Variants in SUFU observed in about 807,000 individuals in gnomAD.
SUFU encodes suppressor of fused homolog.
A neutral mutation model predicts 58.9 loss-of-function variants in SUFU; 7 were observed. That is an observed-to-expected ratio of 0.12 (90% CI 0.07 to 0.22). The LOEUF (loss-of-function observed/expected upper bound fraction) is 0.22. Ranked by LOEUF, SUFU falls within the 10% of genes least tolerant of loss-of-function variation. SUFU has a pLI of 1.00. For missense variants in SUFU, 451 were observed against 641.3 expected (o/e 0.70, Z 3.20); for synonymous variants, 232 against 254.8 (o/e 0.91, Z 0.85).
At chr10:102,567,544 C>A (rs2135789974) in intron 3 of SUFU, among the ~76,000 whole-genome samples, 1 of 152,232 alleles carries the variant, frequency 6.6e-6, no homozygotes, top group East Asian at 1.9e-4. Flanking sequence ...AACAGAATGG[C>A]CCTCCCTCGA....
At chr10:102,552,840 C>T (rs548700692) in intron 3 of SUFU, among the ~76,000 whole-genome samples, 1 of 152,138 alleles carries the variant, frequency 6.6e-6, no homozygotes, top group Non-Finnish European at 1.5e-5. Context: ...GCAAATGAGG[C>T]GAAATGTTAA....
chr10:102,519,453 C>T (rs1298213358), intron 2 of SUFU, among the ~76,000 whole-genome samples: 4 of 148,966 alleles, frequency 2.7e-5, no homozygotes, highest in South Asian at 2.1e-4. Context: ...CTTGAACCCA[C>T]GAGGCAGAGG....
In SUFU at chr10:102,542,892, T is replaced by C. The variant is rs139787013; in HGVS notation, c.318-7078T>C. On this transcript the variant is annotated intron_variant, in intron 2 of 11. Coordinates refer to ENST00000369902, the MANE Select transcript of SUFU (RefSeq NM_016169.4). ...TACCGGCTTTGGCCTCCCAAAGTGC[T>C]GGAATTACAGGCATGAACCACCGTG... Among the ~76,000 whole-genome samples the C allele has an allele frequency of 9.7e-4, 148 of 152,358 alleles. 1 individual carries two copies. The highest frequency in any genetic ancestry group is 3.4e-3 in the Middle Eastern group (1 of 294).
chr10:102,520,212 C>CTTTTTTTTTTTTTTTTTTTTTTT, intron 2 of SUFU, among the ~76,000 whole-genome samples: 1 of 113,554 alleles, frequency 8.8e-6, no homozygotes, highest in Admixed American at 9.1e-5. Context: ...TTTTTTCTTT[C>CTTTTTTTTTTTTTTTTTTTTTTT]TTTTTTTTTT....
intron 10 of SUFU, among the ~76,000 whole-genome samples, chr10:102,622,946 G>A (rs1009542346): frequency 2.1e-5 from 3 of 145,128 alleles, no homozygotes; most frequent in African/African-American, 7.7e-5. Flanking sequence ...AGTTGAGATC[G>A]TGCCATTGCA....
intron 3 of SUFU, among the ~76,000 whole-genome samples, chr10:102,565,826 G>A (rs975599593): frequency 2.0e-5 from 3 of 152,182 alleles, no homozygotes; most frequent in Admixed American, 2.0e-4. Flanking sequence ...GATTACAAGC[G>A]TGAGCCACCA....
chr10:102,562,133 A>G (rs2135775811), intron 3 of SUFU, among the ~76,000 whole-genome samples: 1 of 152,284 alleles, frequency 6.6e-6, no homozygotes, highest in Middle Eastern at 3.4e-3. Flanking sequence ...AAGGAACCTC[A>G]ATGCATTGTA....
rs571017356 is a variant in SUFU at position 102,603,062 on chromosome 10, C to G, written c.1022+3518C>G. Among the ~76,000 whole-genome samples, 29 of 152,310 alleles carry G rather than the reference C, an allele frequency of 1.9e-4. No homozygotes were observed. In the South Asian group the frequency reaches 3.7e-3, roughly 20 times the overall value. ...AAAAGTTCCTGGGCATCCTCTCTGT[C>G]TGAGGTCACCTGGTCAGACATGGTC... On this transcript the variant is annotated intron_variant, in intron 8 of 11. Transcript: ENST00000369902.
chr10:102,534,414 G>A (rs1167327324), intron 2 of SUFU, among the ~76,000 whole-genome samples: 2 of 152,166 alleles, frequency 1.3e-5, no homozygotes, highest in Non-Finnish European at 2.9e-5. Flanking sequence ...GCTACAGAGC[G>A]AGACTCTGTC....
chr10:102,602,776 G>A (rs554572678), intron 8 of SUFU, among the ~76,000 whole-genome samples: 22 of 152,154 alleles, frequency 1.4e-4, no homozygotes, highest in Non-Finnish European at 3.1e-4. Context: ...TCCTCCCACT[G>A]CCTTCCCGGA....
chr10:102,530,758 G>C (rs1275744477), intron 2 of SUFU, among the ~76,000 whole-genome samples: 2 of 151,874 alleles, frequency 1.3e-5, no homozygotes, highest in Non-Finnish European at 2.9e-5. Context: ...CTGGCCTTCT[G>C]TGACTCTTAA....
At chr10:102,579,090 T>C (rs1285039421) in intron 3 of SUFU, among the ~76,000 whole-genome samples, 1 of 152,172 alleles carries the variant, frequency 6.6e-6, no homozygotes, top group African/African-American at 2.4e-5. Flanking sequence ...GACTTCAGGC[T>C]CTCTCTAAGG....
chr10:102,567,760 T>C (rs1476306666), intron 3 of SUFU, among the ~76,000 whole-genome samples: 1 of 152,152 alleles, frequency 6.6e-6, no homozygotes, highest in Non-Finnish European at 1.5e-5. Context: ...GTGGGGGTCC[T>C]TCTCTGCCTT....
At chr10:102,515,246 T>C (rs1589980683) in intron 2 of SUFU, among the ~76,000 whole-genome samples, 1 of 152,262 alleles carries the variant, frequency 6.6e-6, no homozygotes, top group African/African-American at 2.4e-5. Flanking sequence ...ACTTGTTGTT[T>C]AGTGTGGCCT....
At chr10:102,600,533 A>G (rs543320611) in intron 8 of SUFU, among the ~76,000 whole-genome samples, 2 of 152,300 alleles carry the variant, frequency 1.3e-5, no homozygotes, top group East Asian at 3.9e-4. Context: ...TCTGGATTCT[A>G]GCTCTAGTTG....
intron 3 of SUFU, among the ~76,000 whole-genome samples, chr10:102,557,947 C>T (rs780782314): frequency 6.6e-6 from 1 of 151,790 alleles, no homozygotes; most frequent in Non-Finnish European, 1.5e-5. Context: ...GTTGCCCAAG[C>T]TGGAGTGCAG....
chr10:102,576,961 T>C (rs948213435), intron 3 of SUFU, among the ~76,000 whole-genome samples: 1 of 152,146 alleles, frequency 6.6e-6, no homozygotes. Context: ...CCTTCCTGCC[T>C]CAGCTGTGGG....
At chr10:102,552,471 T>G (rs538667423) in intron 3 of SUFU, among the ~76,000 whole-genome samples, 1 of 151,978 alleles carries the variant, frequency 6.6e-6, no homozygotes, top group Non-Finnish European at 1.5e-5. Flanking sequence ...ACCCCAGTGC[T>G]ATGAAAGACA....
At chr10:102,542,924 C>T (rs1338471587) in intron 2 of SUFU, among the ~76,000 whole-genome samples, 2 of 152,210 alleles carry the variant, frequency 1.3e-5, no homozygotes, top group Non-Finnish European at 2.9e-5. Context: ...CGTGCCCAGC[C>T]TCTTTTGCTT....
Sources: allele counts gnomAD v4.1 joint callset (sites outside exome capture counted in the v4.1 genomes callset), GRCh38; gene constraint gnomAD v4.1.1; transcripts MANE v1.5; gene names NCBI Gene and HGNC (gene_info 2026-07-23, HGNC 2026-07-21).